GOLM1: variants seen among roughly 807,000 people sequenced by gnomAD.
GOLM1 encodes the protein epididymis luminal protein 46.
Under a neutral mutation model 50.5 loss-of-function variants are expected in GOLM1, and 31 were observed. The ratio of observed to expected loss-of-function variants is 0.61; its 90% CI spans 0.46 to 0.83. The LOEUF (loss-of-function observed/expected upper bound fraction) is 0.83. Ranked by LOEUF, GOLM1 falls within the 40% of genes least tolerant of loss-of-function variation. GOLM1 has a pLI of 0.00. For missense variants in GOLM1, 491 were observed against 501.3 expected, an observed-to-expected ratio of 0.98 and a Z score of 0.20; for synonymous variants, 178 against 192.8, an observed-to-expected ratio of 0.92 and a Z score of 0.64.
intron 9 of GOLM1, among the ~76,000 whole-genome samples, chr9:86,029,208 GA>G (rs1342069371): frequency 6.6e-6 from 1 of 152,166 alleles, no homozygotes; most frequent in Non-Finnish European, 1.5e-5. Flanking sequence ...AATGTGCCAT[GA>G]AACAAAGCTG....
At chr9:86,027,972 A>C in intron 9 of GOLM1, 79 bp from the exon 10 acceptor site, 1 of 757,332 alleles carries the variant, frequency 1.3e-6, no homozygotes, top group Non-Finnish European at 2.2e-6. Flanking sequence ...TTTCTTATCA[A>C]CTTCTAGAAA....
At chr9:86,080,259 C>G (rs997732302) in intron 1 of GOLM1, 1 of 152,154 alleles carries the variant, frequency 6.6e-6, no homozygotes. Flanking sequence ...AAGAAAGATG[C>G]CATAAATTTT....
At chr9:86,051,620 G>A (rs568761721) in intron 4 of GOLM1, among the ~76,000 whole-genome samples, 5 of 152,228 alleles carry the variant, frequency 3.3e-5, no homozygotes, top group Admixed American at 1.3e-4. Context: ...GGATCACCAC[G>A]GCGCACAAGC....
At chr9:86,057,140 A>T (rs1231145812) in intron 3 of GOLM1, among the ~76,000 whole-genome samples, 1 of 152,242 alleles carries the variant, frequency 6.6e-6, no homozygotes. Flanking sequence ...AATTAACTGG[A>T]AACTAAACCT....
At chr9:86,090,033 G>A (rs989743062) in intron 1 of GOLM1, among the ~76,000 whole-genome samples, 10 of 152,134 alleles carry the variant, frequency 6.6e-5, no homozygotes, top group African/African-American at 2.2e-4. Context: ...GGAGTTTGCT[G>A]GAGGTCCACT....
intron 3 of GOLM1, among the ~76,000 whole-genome samples, chr9:86,056,557 A>G (rs148292147): frequency 0.038 from 5,721 of 149,154 alleles, 155 homozygotes; most frequent in Non-Finnish European, 0.055. Context: ...CCAGGCTGGA[A>G]TGCAGTGGCG....
intron 6 of GOLM1, 98 bp from the exon 7 acceptor site, chr9:86,036,605 AC>A: frequency 8.1e-7 from 1 of 1,241,604 alleles, no homozygotes; most frequent in Non-Finnish European, 1.1e-6. Flanking sequence ...CAATCCCACC[AC>A]CATATCCTTC....
intron 4 of GOLM1, among the ~76,000 whole-genome samples, chr9:86,047,910 G>C (rs1277269773): frequency 2.0e-5 from 3 of 152,114 alleles, no homozygotes; most frequent in African/African-American, 4.8e-5. Flanking sequence ...TTAAATTCTA[G>C]GGTACATGTG....
At chr9:86,031,754 C>T (rs1304336813) in intron 9 of GOLM1, among the ~76,000 whole-genome samples, 3 of 151,640 alleles carry the variant, frequency 2.0e-5, no homozygotes, top group Non-Finnish European at 2.9e-5. Context: ...AGCCACCACG[C>T]CCAGCTGAAG....
chr9:86,075,609 T>G (rs1715641314), intron 3 of GOLM1, among the ~76,000 whole-genome samples: 1 of 152,152 alleles, frequency 6.6e-6, no homozygotes, highest in African/African-American at 2.4e-5. Flanking sequence ...GACTCACAAG[T>G]TCCATGCCTC....
At chr9:86,053,839 C>G (rs1290276552) in intron 3 of GOLM1, among the ~76,000 whole-genome samples, 1 of 150,676 alleles carries the variant, frequency 6.6e-6, no homozygotes, top group Non-Finnish European at 1.5e-5. Flanking sequence ...CCAAACCACA[C>G]CACACCACAC....
chr9:86,088,589 GT>G (rs1426820086), intron 1 of GOLM1, among the ~76,000 whole-genome samples: 1 of 91,566 alleles, frequency 1.1e-5, no homozygotes, highest in South Asian at 3.6e-4. Flanking sequence ...TTTTTTTTTT[GT>G]TTTGTTTTTT....
Position 86,027,449 on chromosome 9 carries a change from C to A in GOLM1, c.*368G>T. 9.7e-7 allele frequency: 1 copy of A among 1,030,146 alleles called. No individual in the cohort carries two copies. The highest frequency in any genetic ancestry group is 1.2e-6 in the Non-Finnish European group (1 of 859,150). 63.8% of individuals were successfully genotyped at this position (1,030,146 alleles called of 1,614,324 possible). ...AACCCAGAGTTCTCTGTCTCTCCTT[C>A]ACAGCAGATGGACTCTTCTATAGGT... is the stretch of plus-strand genomic sequence containing the variant. On this transcript the variant is annotated 3_prime_UTR_variant, in exon 10 of 10. Transcript: ENST00000388712.
At position 86,090,786 on chromosome 9, in the gene GOLM1, C is replaced by CAAA. The variant is rs776381865; in HGVS notation, c.-22+8622_-22+8624dup. Among the ~76,000 whole-genome samples the CAAA allele has an allele frequency of 0.012, 475 of 41,282 alleles. 35 individuals are homozygous for CAAA. The East Asian group carries it at 0.12, about 11-fold the overall frequency. The allele number at this position is 41,282 out of a possible 152,430, so 27.1% of individuals were successfully genotyped here. On this transcript the variant is annotated intron_variant, in intron 1 of 9. Coordinates refer to ENST00000388712, the MANE Select transcript of GOLM1 (RefSeq NM_016548.4). The stretch of plus-strand genomic sequence containing the variant: ...GGCGTTCCAAGTGCCACTGGGGTAC[C>CAAA]AAAAAAAAAAAAAAAAAAAAAAAAA...
chr9:86,067,124 C>T (rs180831701), intron 3 of GOLM1, among the ~76,000 whole-genome samples: 87 of 152,232 alleles, frequency 5.7e-4, no homozygotes, highest in African/African-American at 1.9e-3. Flanking sequence ...TTAGTAGAGA[C>T]GGCATTTCGC....
chr9:86,066,198 A>G (rs1273375302), intron 3 of GOLM1, among the ~76,000 whole-genome samples: 1 of 152,198 alleles, frequency 6.6e-6, no homozygotes, highest in Non-Finnish European at 1.5e-5. Flanking sequence ...AAGTGACCCC[A>G]TCCCAGGCTC....
At chr9:86,059,542 A>G (rs569554436) in intron 3 of GOLM1, among the ~76,000 whole-genome samples, 62 of 152,278 alleles carry the variant, frequency 4.1e-4, no homozygotes, top group African/African-American at 1.4e-3. Flanking sequence ...GCCAGGGGCT[A>G]GGGGAAGAGG....
rs1832835515 is a variant in GOLM1 at position 86,027,910 on chromosome 9, CATAATATTCT to C, written c.1130-27_1130-18del. 7.0e-7 allele frequency: 1 copy of C among 1,433,296 alleles called. No individual in the cohort carries two copies. The allele number at this position is 1,433,296 out of a possible 1,614,324, so 88.8% of individuals were successfully genotyped here. A position where few individuals can be genotyped will look rare whatever the true frequency, so the allele number is the denominator to read the frequency against. ...CATTAAAAACTAAAAAGGAAAAACA[CATAATATTCT>C]ATAGAGTATTAAATGAGATACTAGC... On this transcript the variant is annotated intron_variant, in intron 9 of 9. Transcript: ENST00000388712.
At chr9:86,050,682 T>C (rs530653697) in intron 4 of GOLM1, among the ~76,000 whole-genome samples, 1 of 152,308 alleles carries the variant, frequency 6.6e-6, no homozygotes, top group South Asian at 2.1e-4. Flanking sequence ...TGATGGTAGT[T>C]TGTATTTCTG....
Sources: allele counts gnomAD v4.1 joint callset (sites outside exome capture counted in the v4.1 genomes callset), GRCh38; gene constraint gnomAD v4.1.1; transcripts MANE v1.5; gene names NCBI Gene and HGNC (gene_info 2026-07-23, HGNC 2026-07-21).